TMEM59L: variants seen among roughly 807,000 people sequenced by gnomAD.
The protein encoded by TMEM59L is transmembrane protein 59-like.
TMEM59L carries 31 observed loss-of-function variants against 39.6 expected under a neutral mutation model. The ratio of observed to expected loss-of-function variants is 0.78; its 90% confidence interval spans 0.59 to 1.06. TMEM59L has a LOEUF of 1.06. Among genes scored for constraint, TMEM59L ranks in the 50% least tolerant of loss-of-function variants. TMEM59L has a pLI of 0.00. For synonymous variants in TMEM59L, 219 were observed against 202.9 expected (o/e 1.08, Z -0.68); for missense variants, 441 against 451.3 (o/e 0.98, Z 0.21).
chr19:18,617,328 C>T (rs747059935), intron 5 of TMEM59L: 20 of 638,962 alleles, frequency 3.1e-5, no homozygotes, highest in South Asian at 7.6e-5. Context: ...CCCAGGGTTC[C>T]GTGGTCCATC....
intron 3 of TMEM59L, among the ~76,000 whole-genome samples, chr19:18,615,301 C>T (rs573143356): frequency 2.6e-5 from 4 of 152,200 alleles, no homozygotes; most frequent in South Asian, 2.1e-4. Context: ...TCCGTCTTGA[C>T]GCTGTCAAAA....
At chr19:18,617,310 G>C (rs559930190) in intron 5 of TMEM59L, 1 of 663,824 alleles carries the variant, frequency 1.5e-6, no homozygotes. Context: ...GGGTTCCGTG[G>C]TCTACTTCCC....
Position 18,616,128 on chromosome 19 carries a change from G to A in TMEM59L, c.561+1G>A. 6.2e-7 allele frequency: 1 copy of A among 1,613,848 alleles called. No homozygotes were observed. The highest frequency in any genetic ancestry group is 8.5e-7 in the Non-Finnish European group (1 of 1,179,886). ...CAATGGGAAAGTGGTGGTGTTTCAGGTGAGACCTCTGACAGGGGCCACGCC... is the reference window on the plus strand; with the variant it reads ...CAATGGGAAAGTGGTGGTGTTTCAGATGAGACCTCTGACAGGGGCCACGCC... On this transcript the variant is annotated splice_donor_variant, in intron 4 of 7. Coordinates refer to ENST00000262817, the MANE Select transcript of TMEM59L (RefSeq NM_012109.3). LOFTEE classifies it high-confidence loss of function.
At chr19:18,616,902 A>G (rs1976433739) in intron 4 of TMEM59L, 98 bp from the exon 5 acceptor site, 1 of 864,982 alleles carries the variant, frequency 1.2e-6, no homozygotes, top group Non-Finnish European at 1.8e-6. Flanking sequence ...GGAACTGGGT[A>G]TCAGCTGGGC....
intron 5 of TMEM59L, chr19:18,617,340 C>T (rs1239030247): frequency 6.4e-6 from 4 of 626,222 alleles, no homozygotes; most frequent in African/African-American, 1.8e-5. Flanking sequence ...TGGTCCATCT[C>T]CCCGGGTTCC....
intron 7 of TMEM59L, 121 bp downstream of exon 7, chr19:18,618,613 C>G (rs1314819139): frequency 5.3e-6 from 4 of 752,038 alleles, no homozygotes; most frequent in Non-Finnish European, 8.5e-6. Context: ...ACATTTTTTT[C>G]TTTTTTCATG....
In TMEM59L at chr19:18,620,371, C is replaced by T. The variant is rs373536308; in HGVS notation, c.901-37C>T. 793 of 1,575,950 alleles carry T rather than the reference C, an allele frequency of 5.0e-4. 2 individuals carry two copies. Among genetic ancestry groups the T allele is most frequent in the Non-Finnish European group, 6.3e-4 (725 of 1,155,504 alleles). On this transcript the variant is annotated intron_variant, in intron 7 of 7. Transcript: ENST00000262817. ...CAGGGTTGGGGGCTCGGCCTCTCCC[C>T]GTCCCTCCACTTCCCTCCTCCCCTC...
At chr19:18,617,236 T>A in intron 5 of TMEM59L, 134 bp downstream of exon 5, 1 of 721,944 alleles carries the variant, frequency 1.4e-6, no homozygotes. Flanking sequence ...ATCCCCCAGG[T>A]CTCCATGGTC....
At chr19:18,616,864 G>A in intron 4 of TMEM59L, 136 bp from the exon 5 acceptor site, 1 of 683,944 alleles carries the variant, frequency 1.5e-6, no homozygotes, top group Admixed American at 2.4e-5. Flanking sequence ...CAACATCCCT[G>A]ACATCAAGCC....
At chr19:18,617,636 G>A (rs756783666) in intron 5 of TMEM59L, 4 of 455,984 alleles carry the variant, frequency 8.8e-6, no homozygotes, top group Non-Finnish European at 1.8e-5. Flanking sequence ...ATCTCTCAGG[G>A]TTCCATGGTT....
At chr19:18,620,014 C>CACACAT (rs1976477401) in intron 7 of TMEM59L, among the ~76,000 whole-genome samples, 1 of 133,120 alleles carries the variant, frequency 7.5e-6, no homozygotes, top group Non-Finnish European at 1.6e-5. Flanking sequence ...CACACACACA[C>CACACAT]ACACACAAAA....
At chr19:18,613,833 C>CA in intron 1 of TMEM59L, 39 bp from the exon 2 acceptor site, 1 of 1,563,220 alleles carries the variant, frequency 6.4e-7, no homozygotes, top group Non-Finnish European at 8.7e-7. Flanking sequence ...CCTCCTGCCC[C>CA]TCCCCATGGC....
In TMEM59L at chr19:18,612,967, G is replaced by A; in HGVS notation, c.9G>A (p.Ala3=). The change falls in exon 1 of 8, where the codon GCG becomes GCA. Residue 3 remains alanine (A), a synonymous_variant. Transcript: ENST00000262817. The surrounding 1 kb of genome is among the most constrained non-coding windows in gnomAD (Gnocchi z 6.2). ...CCGCGTTCCGCCCGGCCATGGCTGC[G>A]GTGGCGCTGATGCCACCGCCGCTGC... MA[A]VALMPPPLLL... is the part of the protein sequence containing the mutation. 1 of 1,331,064 alleles carries A rather than the reference G, an allele frequency of 7.5e-7. No homozygotes were observed. Among genetic ancestry groups the A allele is most frequent in the Non-Finnish European group, 9.6e-7 (1 of 1,045,080 alleles). The allele number at this position is 1,331,064 out of a possible 1,614,324, so 82.5% of individuals were successfully genotyped here. A position where few individuals can be genotyped will look rare whatever the true frequency, so the allele number is the denominator to read the frequency against.
chr19:18,619,381 A>G (rs981225885), intron 7 of TMEM59L, among the ~76,000 whole-genome samples: 2 of 152,202 alleles, frequency 1.3e-5, no homozygotes, highest in Admixed American at 1.3e-4. Context: ...GGCGACATGA[A>G]GTCAGAGGTG....
chr19:18,612,877 C>A lies in TMEM59L; in HGVS notation c.-82C>A. ...CTGCCTCGCTCGGGTGACGTCAGCGCCCCGGTCCCCGCCGCAGCCGCTGCA... is the reference window on the plus strand; with the variant it reads ...CTGCCTCGCTCGGGTGACGTCAGCGACCCGGTCCCCGCCGCAGCCGCTGCA... On this transcript the variant is annotated 5_prime_UTR_variant, in exon 1 of 8. Transcript: ENST00000262817. The surrounding 1 kb of genome is among the most constrained non-coding windows in gnomAD (Gnocchi z 6.2). The A allele has an allele frequency of 8.5e-7, 1 of 1,174,770 alleles. No homozygotes were observed. Among genetic ancestry groups the A allele is most frequent in the Non-Finnish European group, 1.1e-6 (1 of 932,764 alleles). 72.8% of individuals were successfully genotyped at this position (1,174,770 alleles called of 1,614,324 possible).
At chr19:18,618,669 GTGTGTATATA>G (rs1357339640) in intron 7 of TMEM59L, among the ~76,000 whole-genome samples, 177 bp downstream of exon 7, 4 of 58,316 alleles carry the variant, frequency 6.9e-5, no homozygotes, top group African/African-American at 1.7e-4. Flanking sequence ...GTGTGTGTGT[GTGTGTATATA>G]TATATATATA....
In TMEM59L at chr19:18,620,519, G is replaced by A. The variant is rs1335733044; in HGVS notation, c.1012G>A (p.Asp338Asn). Residue 338 changes from aspartate to asparagine, a missense_variant, in exon 8 of 8, where the codon GAC becomes AAC. Asp to Asn is a conservative substitution (Grantham distance 23). Transcript: ENST00000262817. ...CCTACCACCCTACAAGCTGAAGCTG[G>A]ACCTGACCAAGCTGTAGGCCTCCAC... is the stretch of plus-strand genomic sequence containing the variant. ...DSLPPYKLKL[D>N]LTKL 1 of 1,613,574 alleles carries A rather than the reference G, an allele frequency of 6.2e-7. No individual in the cohort carries two copies. The highest frequency in any genetic ancestry group is 8.5e-7 in the Non-Finnish European group (1 of 1,179,972).
intron 7 of TMEM59L, among the ~76,000 whole-genome samples, chr19:18,620,133 A>G (rs995648862): frequency 6.7e-6 from 1 of 150,276 alleles, no homozygotes. Flanking sequence ...GAAACCCCAT[A>G]TCTACTAATA....
chr19:18,620,475 C>CCCA lies in TMEM59L; in HGVS notation c.970_972dup (p.His324dup). The CCCA allele has an allele frequency of 6.2e-7, 1 of 1,613,798 alleles. No homozygotes were observed. The highest frequency in any genetic ancestry group is 8.5e-7 in the Non-Finnish European group (1 of 1,179,998). Reference sequence around the variant, plus strand: ...GATTGGCCCCTGTACCCGCCGCCGTCCCACGCCTGTGAGGACAGCCTACCA... The same window carrying CCCA: ...GATTGGCCCCTGTACCCGCCGCCGTCCCACCACGCCTGTGAGGACAGCCTACCA... On this transcript the variant is annotated inframe_insertion, in exon 8 of 8. Transcript: ENST00000262817.
Sources: gnomAD v4.1 joint callset for allele counts (sites outside exome capture counted in the v4.1 genomes callset) on GRCh38, gnomAD v4.1.1 for gene constraint, Gnocchi (gnomAD v3.1) non-coding constraint, MANE v1.5 for transcripts, NCBI Gene and HGNC (gene_info 2026-07-23, HGNC 2026-07-21) for gene names.